ADAMTS9: variants seen among roughly 807,000 people sequenced by gnomAD.
The protein encoded by ADAMTS9 is A disintegrin and metalloproteinase with thrombospondin motifs 9.
ADAMTS9 carries 107 observed loss-of-function variants against 257.1 expected under a neutral mutation model. The ratio of observed to expected loss-of-function variants is 0.42; its 90% CI spans 0.36 to 0.49. The LOEUF (loss-of-function observed/expected upper bound fraction) is 0.49, where lower values mean the gene tolerates loss of function less well. Among genes scored for constraint, ADAMTS9 ranks in the 20% least tolerant of loss-of-function variants. The pLI is 0.03. For missense variants in ADAMTS9, 2,353 were observed against 2,469.1 expected (o/e 0.95, Z 1.00); for synonymous variants, 982 against 880.9 (o/e 1.11, Z -2.03).
At chr3:64,552,201 C>A (rs148410653) in intron 30 of ADAMTS9, among the ~76,000 whole-genome samples, 1 of 152,170 alleles carries the variant, frequency 6.6e-6, no homozygotes, top group East Asian at 1.9e-4. Flanking sequence ...GTGAGGTAGA[C>A]GGGACAGCTA....
At chr3:64,660,376 TG>T (rs1471041627) in intron 3 of ADAMTS9, among the ~76,000 whole-genome samples, 1 of 152,254 alleles carries the variant, frequency 6.6e-6, no homozygotes, top group Non-Finnish European at 1.5e-5. Flanking sequence ...GCATTTTGCC[TG>T]AGTGTTTTAG....
rs1352721008 is a variant in ADAMTS9, at chr3:64,516,232, T to G, written c.*895A>C. 2 of 152,600 alleles carry G rather than the reference T, an allele frequency of 1.3e-5. No individual in the cohort carries two copies. Among genetic ancestry groups the G allele is most frequent in the Admixed American group, 1.3e-4 (2 of 15,280 alleles). 9.5% of individuals were successfully genotyped at this position (152,600 alleles called of 1,614,324 possible). A position where few individuals can be genotyped will look rare whatever the true frequency, so the allele number is the denominator to read the frequency against. ...ACTTGGATGTCATTTTAGAGTATCT[T>G]GGCAAAATGGTGAGAGGATCTCACT... is the stretch of plus-strand genomic sequence containing the variant. On this transcript the variant is annotated 3_prime_UTR_variant, in exon 40 of 40. Coordinates refer to ENST00000498707, the MANE Select transcript of ADAMTS9 (RefSeq NM_182920.2).
chr3:64,651,044 C>G lies in ADAMTS9; in HGVS notation c.1436G>C (p.Ser479Thr). 1.9e-6 allele frequency: 3 copies of G among 1,606,202 alleles called. No individual in the cohort carries two copies. The highest frequency in any genetic ancestry group is 2.5e-6 in the Non-Finnish European group (3 of 1,177,224). Residue 479 changes from serine (S) to threonine (T), a missense_variant, in exon 9 of 40, where the codon AGT (serine) becomes ACT (threonine). Coordinates refer to ENST00000498707, the MANE Select transcript of ADAMTS9 (RefSeq NM_182920.2). ...YTNPWMWSKC[S>T]RKYITEFLDT... Reference sequence around the variant, plus strand: ...TAAAAACTCAGTGATATATTTTCGACTACACTTTGACCACATCCAGGGGTT... The same window carrying G: ...TAAAAACTCAGTGATATATTTTCGAGTACACTTTGACCACATCCAGGGGTT...
intron 16 of ADAMTS9, among the ~76,000 whole-genome samples, chr3:64,623,748 T>G (rs1220999982): frequency 6.6e-6 from 1 of 152,184 alleles, no homozygotes; most frequent in African/African-American, 2.4e-5. Context: ...TACTCTCTCT[T>G]TCCAAACAAG....
intron 38 of ADAMTS9, among the ~76,000 whole-genome samples, chr3:64,525,653 C>G (rs2082900856): frequency 6.6e-6 from 1 of 151,788 alleles, no homozygotes; most frequent in Admixed American, 6.6e-5. Flanking sequence ...TCTTGTCACC[C>G]AGGCTGCAGT....
At chr3:64,580,362 G>C (rs544155115) in intron 28 of ADAMTS9, among the ~76,000 whole-genome samples, 1 of 151,908 alleles carries the variant, frequency 6.6e-6, no homozygotes, top group Non-Finnish European at 1.5e-5. Flanking sequence ...AACCAATACC[G>C]AGCCCAAGAT....
chr3:64,658,354 C>T lies in ADAMTS9; in HGVS notation c.969+148G>A. 3.6e-6 allele frequency: 3 copies of T among 835,564 alleles called. No individual in the cohort carries two copies. In the South Asian group the frequency reaches 5.8e-5, roughly 16 times the overall value. The allele number at this position is 835,564 out of a possible 1,614,324, so 51.8% of individuals were successfully genotyped here. ...ACTGTTGTCAGTTTAAAAAGGCAACCAACAAATAATCTTATGTTCTCTTCA... is the reference window on the plus strand; with the variant it reads ...ACTGTTGTCAGTTTAAAAAGGCAACTAACAAATAATCTTATGTTCTCTTCA... On this transcript the variant is annotated intron_variant, in intron 4 of 39. Coordinates refer to ENST00000498707, the MANE Select transcript of ADAMTS9 (RefSeq NM_182920.2).
At chr3:64,571,161 A>C (rs192731602) in intron 28 of ADAMTS9, among the ~76,000 whole-genome samples, 151 of 152,342 alleles carry the variant, frequency 9.9e-4, no homozygotes, top group Admixed American at 2.7e-3. Context: ...GTTGGCAACA[A>C]CCTGTAGAGG....
At chr3:64,547,195 GT>G (rs2083211673) in intron 31 of ADAMTS9, among the ~76,000 whole-genome samples, 1 of 152,206 alleles carries the variant, frequency 6.6e-6, no homozygotes, top group African/African-American at 2.4e-5. Flanking sequence ...TGCAGGTGGG[GT>G]TGCCTCAAAC....
Position 64,568,369 on chromosome 3 carries a change from T to C in ADAMTS9, c.4523A>G (p.Gln1508Arg). The change falls in exon 29 of 40, where the codon CAG (glutamine) becomes CGG (arginine). Residue 1508 changes from glutamine (Q) to arginine (R), a missense_variant and splice_region_variant. Coordinates refer to ENST00000498707, the MANE Select transcript of ADAMTS9 (RefSeq NM_182920.2). The stretch of plus-strand genomic sequence containing the variant: ...CAGTAGAGGAGAAGCATTGCTCACC[T>C]GACTCCAAGCGCCAGCTTTCCATTT... ...CPKWKAGAWSQCSVSCGRGVQ... is the reference protein window; with the variant it reads ...CPKWKAGAWSRCSVSCGRGVQ... 6.2e-7 allele frequency: 1 copy of C among 1,609,554 alleles called. No homozygotes were observed. The highest frequency in any genetic ancestry group is 8.5e-7 in the Non-Finnish European group (1 of 1,178,666).
chr3:64,593,662 T>C (rs1021583366), intron 28 of ADAMTS9, among the ~76,000 whole-genome samples: 2 of 152,172 alleles, frequency 1.3e-5, no homozygotes, highest in African/African-American at 4.8e-5. Flanking sequence ...GCTTCCTATC[T>C]CTGTGCAAGA....
Position 64,633,768 on chromosome 3 carries a change from G to A in ADAMTS9, c.1968C>T (p.His656=). ...TGATGTTAAAATGCTTCCCGTCAAA[G>A]TGAGCACACTGTTCATCTCGGAAGT... is the stretch of plus-strand genomic sequence containing the variant. ...KRDFRDEQCA[H]FDGKHFNING... is the part of the protein sequence containing the mutation. The change falls in exon 13 of 40, where the codon CAC becomes CAT. Residue 656 remains histidine, a synonymous_variant. Coordinates refer to ENST00000498707, the MANE Select transcript of ADAMTS9 (RefSeq NM_182920.2). 6.2e-7 allele frequency: 1 copy of A among 1,613,708 alleles called. No homozygotes were observed. Among genetic ancestry groups the A allele is most frequent in the Non-Finnish European group, 8.5e-7 (1 of 1,179,978 alleles).
chr3:64,664,360 A>T (rs562252185), intron 3 of ADAMTS9, among the ~76,000 whole-genome samples: 1 of 152,326 alleles, frequency 6.6e-6, no homozygotes, highest in African/African-American at 2.4e-5. Flanking sequence ...TTCCACAATC[A>T]TGGCCACCAT....
intron 9 of ADAMTS9, 140 bp from the exon 10 acceptor site, chr3:64,649,918 C>T (rs774518847): frequency 1.0e-5 from 11 of 1,075,476 alleles, no homozygotes; most frequent in Non-Finnish European, 1.2e-5. Context: ...TCTTTACATC[C>T]AAGATTAAAT....
chr3:64,543,225 C>T (rs2083151110), intron 32 of ADAMTS9, among the ~76,000 whole-genome samples: 1 of 152,136 alleles, frequency 6.6e-6, no homozygotes, highest in Non-Finnish European at 1.5e-5. Context: ...TGAAACTATT[C>T]CAATCAATAG....
chr3:64,687,082 TC>T lies in ADAMTS9; in HGVS notation c.116-115del. The T allele has an allele frequency of 7.9e-7, 1 of 1,270,088 alleles. No homozygotes were observed. Among genetic ancestry groups the T allele is most frequent in the Non-Finnish European group, 1.1e-6 (1 of 921,242 alleles). 78.7% of individuals were successfully genotyped at this position (1,270,088 alleles called of 1,614,324 possible). The stretch of plus-strand genomic sequence containing the variant: ...TTATTTTCCAGCCCATTCGAGTCAA[TC>T]CCTTCACCCTTAATCAGTGGACAAA... On this transcript the variant is annotated intron_variant, in intron 1 of 39. Coordinates refer to ENST00000498707, the MANE Select transcript of ADAMTS9 (RefSeq NM_182920.2). The surrounding 1 kb of genome is among the most constrained non-coding windows in gnomAD (Gnocchi z 4.4).
intron 38 of ADAMTS9, among the ~76,000 whole-genome samples, chr3:64,532,827 G>C (rs1012224356): frequency 1.3e-5 from 2 of 152,076 alleles, no homozygotes; most frequent in African/African-American, 4.8e-5. Flanking sequence ...AGAACGAACC[G>C]CAAGCTGGCT....
intron 12 of ADAMTS9, among the ~76,000 whole-genome samples, 167 bp from the exon 13 acceptor site, chr3:64,634,046 A>AG (rs1423223236): frequency 6.6e-6 from 1 of 151,990 alleles, no homozygotes; most frequent in Non-Finnish European, 1.5e-5. Flanking sequence ...TCCTGCCTTC[A>AG]ATACCATGAT....
chr3:64,584,638 A>G (rs1385105074), intron 28 of ADAMTS9, among the ~76,000 whole-genome samples: 1 of 152,186 alleles, frequency 6.6e-6, no homozygotes, highest in Non-Finnish European at 1.5e-5. Flanking sequence ...TTTATAAAGT[A>G]ACTTATTTTG....
Sources: allele counts gnomAD v4.1 joint callset (sites outside exome capture counted in the v4.1 genomes callset), GRCh38; gene constraint gnomAD v4.1.1; non-coding constraint Gnocchi (gnomAD v3.1); transcripts MANE v1.5; gene names NCBI Gene and HGNC (gene_info 2026-07-23, HGNC 2026-07-21).